The following RBFOX1 variants were observed in gnomAD, a reference collection of about 807,000 sequenced individuals.
RBFOX1 encodes RNA binding protein fox-1 homolog 1.
In RBFOX1, 8 loss-of-function variants were observed where a neutral mutation model predicts 57.7. The ratio of observed to expected loss-of-function variants is 0.14; its 90% CI spans 0.08 to 0.25. The LOEUF is 0.25. RBFOX1 is among the 10% of genes least tolerant of loss of function. The pLI is 1.00. For synonymous variants in RBFOX1, 326 were observed against 222.4 expected (o/e 1.47, Z -4.15); for missense variants, 611 against 548.5 (o/e 1.11, Z -1.14).
At chr16:6,653,820 G>A (rs561403710) in intron 2 of RBFOX1, among the ~76,000 whole-genome samples, 1 of 151,864 alleles carries the variant, frequency 6.6e-6, no homozygotes, top group South Asian at 2.1e-4. Flanking sequence ...ATGAATGGGA[G>A]AAGGATGCAG....
chr16:5,673,543 G>A (rs2050078855), intron 3 of RBFOX1, among the ~76,000 whole-genome samples: 1 of 152,202 alleles, frequency 6.6e-6, no homozygotes, highest in Non-Finnish European at 1.5e-5. Context: ...TGACGTCAGT[G>A]TCACTGAGGC....
At chr16:7,283,454 C>T (rs1046565242) in intron 4 of RBFOX1, among the ~76,000 whole-genome samples, 7 of 151,902 alleles carry the variant, frequency 4.6e-5, no homozygotes, top group South Asian at 2.1e-4. Context: ...GTGCCTCTTC[C>T]GTGGTGGAAA....
intron 1 of RBFOX1, among the ~76,000 whole-genome samples, chr16:5,276,605 A>AG (rs1439701841): frequency 3.3e-5 from 5 of 152,080 alleles, no homozygotes; most frequent in African/African-American, 1.2e-4. Flanking sequence ...TAACATGGTG[A>AG]AACCCCGTCT....
intron 3 of RBFOX1, among the ~76,000 whole-genome samples, chr16:5,765,005 G>T (rs540581428): frequency 6.6e-6 from 1 of 152,086 alleles, no homozygotes; most frequent in Non-Finnish European, 1.5e-5. Flanking sequence ...ACCAAGTCTC[G>T]CAGGGTACCT....
At chr16:6,631,298 C>T (rs986852739) in intron 2 of RBFOX1, among the ~76,000 whole-genome samples, 34 of 151,082 alleles carry the variant, frequency 2.3e-4, no homozygotes, top group African/African-American at 6.8e-4. Flanking sequence ...TGTGTGTGTA[C>T]GAGAGACAGA....
chr16:5,394,015 T>G (rs2151424792), intron 1 of RBFOX1, among the ~76,000 whole-genome samples: 1 of 152,170 alleles, frequency 6.6e-6, no homozygotes, highest in South Asian at 2.1e-4. Flanking sequence ...GCATAGCCAT[T>G]TCTTTTTCTT....
At chr16:6,181,373 G>A (rs774590737) in intron 1 of RBFOX1, among the ~76,000 whole-genome samples, 1 of 152,150 alleles carries the variant, frequency 6.6e-6, no homozygotes, top group Non-Finnish European at 1.5e-5. Context: ...CTAAACTCCA[G>A]TCGATTTTTG....
chr16:7,201,626 C>A (rs887236499), intron 4 of RBFOX1, among the ~76,000 whole-genome samples: 1 of 152,066 alleles, frequency 6.6e-6, no homozygotes, highest in East Asian at 1.9e-4. Context: ...CCACGCCTGG[C>A]TAATTTTTAG....
intron 4 of RBFOX1, among the ~76,000 whole-genome samples, chr16:7,366,406 A>G (rs987441788): frequency 1.3e-5 from 2 of 152,130 alleles, no homozygotes; most frequent in African/African-American, 4.8e-5. Context: ...CCTGACATTT[A>G]TGGCTGAGCC....
chr16:7,283,764 GATCATTGCATCA>G (rs1360560662), intron 4 of RBFOX1, among the ~76,000 whole-genome samples: 3 of 152,204 alleles, frequency 2.0e-5, no homozygotes, highest in Non-Finnish European at 4.4e-5. Context: ...CATGTCATCA[GATCATTGCATCA>G]AAGTCAGGTT....
intron 4 of RBFOX1, among the ~76,000 whole-genome samples, chr16:7,210,817 G>C (rs2090978182): frequency 6.6e-6 from 1 of 152,058 alleles, no homozygotes; most frequent in African/African-American, 2.4e-5. Context: ...AGCAAGTCTA[G>C]AGATCCAATG....
intron 4 of RBFOX1, among the ~76,000 whole-genome samples, chr16:5,955,690 A>G (rs1044469422): frequency 6.6e-6 from 1 of 152,204 alleles, no homozygotes; most frequent in African/African-American, 2.4e-5. Context: ...AGATTTTAAA[A>G]TTCTTCTGGA....
intron 1 of RBFOX1, among the ~76,000 whole-genome samples, chr16:6,139,308 G>A (rs9930027): frequency 0.032 from 4,807 of 152,176 alleles, 258 homozygotes; most frequent in African/African-American, 0.11. Context: ...ATAAGGAGGT[G>A]GAAACACAGA....
chr16:7,511,257 A>T (rs1025343154), intron 4 of RBFOX1, among the ~76,000 whole-genome samples: 14 of 152,218 alleles, frequency 9.2e-5, no homozygotes, highest in African/African-American at 3.4e-4. Context: ...AGGTTTTGCA[A>T]ACCCTGACTG....
intron 3 of RBFOX1, among the ~76,000 whole-genome samples, chr16:5,703,578 T>C (rs1241661586): frequency 6.6e-6 from 1 of 152,170 alleles, no homozygotes; most frequent in Non-Finnish European, 1.5e-5. Flanking sequence ...TGCACAGATG[T>C]TTTAGTGCAG....
chr16:6,910,959 G>T (rs1248409576), intron 3 of RBFOX1, among the ~76,000 whole-genome samples: 29 of 152,128 alleles, frequency 1.9e-4, no homozygotes, highest in Admixed American at 1.9e-3. Context: ...CCAGCACTTT[G>T]GGAGGCCGAG....
At chr16:7,593,850 C>G (rs377118894) in intron 7 of RBFOX1, among the ~76,000 whole-genome samples, 1 of 152,108 alleles carries the variant, frequency 6.6e-6, no homozygotes, top group Admixed American at 6.6e-5. Flanking sequence ...GTACAGCTGT[C>G]TATAGAATCC....
intron 3 of RBFOX1, among the ~76,000 whole-genome samples, chr16:6,768,854 G>A (rs1381743660): frequency 1.3e-5 from 2 of 151,262 alleles, no homozygotes. Flanking sequence ...TCAGCCTCCC[G>A]AGTAGCTGGG....
chr16:6,405,297 A>G (rs1330083680), intron 2 of RBFOX1, among the ~76,000 whole-genome samples: 2 of 152,204 alleles, frequency 1.3e-5, no homozygotes, highest in East Asian at 3.8e-4. Flanking sequence ...TGGAGACTCA[A>G]TTAGTCATGA....
Sources: allele counts gnomAD v4.1 joint callset (sites outside exome capture counted in the v4.1 genomes callset), GRCh38; gene constraint gnomAD v4.1.1; transcripts MANE v1.5; gene names NCBI Gene and HGNC (gene_info 2026-07-23, HGNC 2026-07-21).